Variants in NINL observed in about 807,000 individuals in gnomAD.
The protein encoded by NINL is ninein-like protein.
In NINL, 153 loss-of-function variants were observed where a neutral mutation model predicts 160.3. The ratio of observed to expected loss-of-function variants is 0.95; its 90% CI spans 0.84 to 1.09. The LOEUF (loss-of-function observed/expected upper bound fraction) is 1.09, where lower values mean the gene tolerates loss of function less well. Among genes scored for constraint, NINL ranks in the 50% least tolerant of loss-of-function variants. The probability of loss-of-function intolerance (pLI) is 0.00; values close to 1 mark genes in which losing one functional copy is unlikely to be tolerated. For missense variants in NINL, 1,829 were observed against 1,764.0 expected (o/e 1.04, Z -0.66); for synonymous variants, 800 against 734.8 (o/e 1.09, Z -1.43).
chr20:25,556,698 G>A (rs995933031), intron 1 of NINL, among the ~76,000 whole-genome samples: 12 of 151,102 alleles, frequency 7.9e-5, no homozygotes, highest in Non-Finnish European at 1.6e-4. Flanking sequence ...TCCCAACTAC[G>A]CGGGAGGCTG....
At chr20:25,530,870 G>A (rs1298956565) in intron 1 of NINL, among the ~76,000 whole-genome samples, 3 of 152,144 alleles carry the variant, frequency 2.0e-5, no homozygotes, top group African/African-American at 7.2e-5. Flanking sequence ...TGCTAATGAA[G>A]TTTCAGGCAC....
At chr20:25,561,067 C>T (rs1600344526) in intron 1 of NINL, among the ~76,000 whole-genome samples, 1 of 149,198 alleles carries the variant, frequency 6.7e-6, no homozygotes, top group South Asian at 2.2e-4. Flanking sequence ...TCTCTTTCCA[C>T]GGTCTCCCTC....
chr20:25,530,227 G>A (rs532796531), intron 1 of NINL, among the ~76,000 whole-genome samples: 7 of 152,248 alleles, frequency 4.6e-5, no homozygotes, highest in East Asian at 3.9e-4. Context: ...ACAGATGGGC[G>A]GTGAGGCACA....
In NINL at chr20:25,476,629, T is replaced by C. The variant is rs2063252407; in HGVS notation, c.2662A>G (p.Thr888Ala). ...GCAGGGGCGGGGGCCGGGCTCTGCG[T>C]AGCTTCTGTGTCCTGGGCTTGCCTG... ...RRRQAQDTEA[T>A]QSPAPAPAPA... The change falls in exon 17 of 24, where the codon ACG becomes GCG. Residue 888 changes from threonine (T) to alanine (A), a missense_variant. Thr to Ala is a moderately conservative substitution (Grantham distance 58). Transcript: ENST00000278886. 6.3e-7 allele frequency: 1 copy of C among 1,592,216 alleles called. No individual in the cohort carries two copies. Among genetic ancestry groups the C allele is most frequent in the East Asian group, 2.2e-5 (1 of 44,620 alleles).
intron 9 of NINL, 106 bp downstream of exon 9, chr20:25,498,104 G>C (rs2063794664): frequency 4.4e-6 from 6 of 1,359,118 alleles, no homozygotes; most frequent in Non-Finnish European, 6.1e-6. Context: ...GACTGGCCAT[G>C]TGGGGTGGAT....
intron 1 of NINL, among the ~76,000 whole-genome samples, chr20:25,572,736 A>G (rs919405583): frequency 6.6e-6 from 1 of 152,244 alleles, no homozygotes; most frequent in Non-Finnish European, 1.5e-5. Flanking sequence ...AAATAAGTAC[A>G]GGAATTTGAT....
chr20:25,489,833 G>A, intron 12 of NINL, 42 bp downstream of exon 12: 3 of 1,557,502 alleles, frequency 1.9e-6, no homozygotes, highest in Non-Finnish European at 2.7e-6. Context: ...CTGCCCAGCA[G>A]GCCCTCCCCT....
At chr20:25,479,242 A>T (rs769412185) in intron 15 of NINL, 36 bp from the exon 16 acceptor site, 7 of 1,556,184 alleles carry the variant, frequency 4.5e-6, no homozygotes, top group African/African-American at 1.4e-5. Context: ...GGACCAGGAG[A>T]CCCTAAGAAT....
rs6050665 is a variant in NINL, at chr20:25,532,590, A to C, written c.-11-5992T>G. 4.3e-3 allele frequency among the ~76,000 whole-genome samples: 650 copies of C among 152,302 alleles called. 5 individuals carry two copies. Among genetic ancestry groups the C allele is most frequent in the African/African-American group, 0.015 (627 of 41,560 alleles). On this transcript the variant is annotated intron_variant, in intron 1 of 23. Coordinates refer to ENST00000278886, the MANE Select transcript of NINL (RefSeq NM_025176.6). ...CTCAAAGCCCATGGCTGAGTTACTG[A>C]GCATTCAGAGCCGCTCCTCTCCTCT...
chr20:25,549,703 T>C (rs1359330397), intron 1 of NINL, among the ~76,000 whole-genome samples: 1 of 152,184 alleles, frequency 6.6e-6, no homozygotes, highest in African/African-American at 2.4e-5. Context: ...CTGAGCAGTG[T>C]CAGCACGGAA....
rs190905608 is a variant in NINL at position 25,493,392 on chromosome 20, T to G, written c.1311-1867A>C. Among the ~76,000 whole-genome samples the G allele has an allele frequency of 3.9e-5, 6 of 152,134 alleles. No individual in the cohort carries two copies. In the East Asian group the frequency reaches 1.2e-3, roughly 30 times the overall value. Reference sequence around the variant, plus strand: ...ACCAACAGGGATAGGTGGATCCCGATACTCAGGATGAAAGTGAGAGGTGGA... The same window carrying G: ...ACCAACAGGGATAGGTGGATCCCGAGACTCAGGATGAAAGTGAGAGGTGGA... On this transcript the variant is annotated intron_variant, in intron 10 of 23. Transcript: ENST00000278886.
intron 6 of NINL, 150 bp downstream of exon 6, chr20:25,504,738 G>T: frequency 1.2e-6 from 1 of 843,464 alleles, no homozygotes; most frequent in South Asian, 1.8e-5. Flanking sequence ...TTTAGCCTTT[G>T]GCAGAAATGC....
At chr20:25,528,500 A>C (rs1165932428) in intron 1 of NINL, among the ~76,000 whole-genome samples, 1 of 152,234 alleles carries the variant, frequency 6.6e-6, no homozygotes, top group Non-Finnish European at 1.5e-5. Context: ...TCTGGAGGAA[A>C]ATATATTTAA....
At chr20:25,511,238 G>A (rs964805775) in intron 4 of NINL, among the ~76,000 whole-genome samples, 2 of 152,212 alleles carry the variant, frequency 1.3e-5, no homozygotes, top group East Asian at 3.9e-4. Context: ...GCAAACAGTC[G>A]CAAGGTGAGA....
At chr20:25,461,808 C>T (rs1291869644) in intron 20 of NINL, among the ~76,000 whole-genome samples, 173 bp from the exon 21 acceptor site, 1 of 151,996 alleles carries the variant, frequency 6.6e-6, no homozygotes, top group Non-Finnish European at 1.5e-5. Flanking sequence ...CCGGCCCCTC[C>T]TCTACACACA....
intron 1 of NINL, among the ~76,000 whole-genome samples, chr20:25,574,450 C>T (rs1301397009): frequency 1.3e-5 from 2 of 151,758 alleles, no homozygotes; most frequent in East Asian, 3.9e-4. Context: ...ACCCAAAGAA[C>T]AAGTACACAG....
rs1368891091 is a variant in NINL, at chr20:25,476,973, C to T, written c.2318G>A (p.Ser773Asn). The change falls in exon 17 of 24, where the codon AGC becomes AAC. Residue 773 changes from serine (S) to asparagine (N), a missense_variant. By Grantham distance (46) the Ser-to-Asn change is conservative. Coordinates refer to ENST00000278886, the MANE Select transcript of NINL (RefSeq NM_025176.6). ...EPPQGPLPRG[S>N]QRSEQLELER... ...CAGCTCCAGCTGCTCCGACCTCTGGCTCCCGCGTGGCAGGGGTCCCTGCGG... is the reference window on the plus strand; with the variant it reads ...CAGCTCCAGCTGCTCCGACCTCTGGTTCCCGCGTGGCAGGGGTCCCTGCGG... 1.2e-6 allele frequency: 2 copies of T among 1,607,114 alleles called. No homozygotes were observed. The highest frequency in any genetic ancestry group is 1.7e-6 in the Non-Finnish European group (2 of 1,179,834).
At chr20:25,559,136 C>T (rs1046794882) in intron 1 of NINL, among the ~76,000 whole-genome samples, 6 of 152,350 alleles carry the variant, frequency 3.9e-5, no homozygotes, top group Middle Eastern at 3.4e-3. Context: ...AATAGGGCCA[C>T]GTAAGGCAAG....
At position 25,458,371 on chromosome 20, in the gene NINL, A is replaced by G; in HGVS notation, c.3843+12T>C. 14 of 1,605,312 alleles carry G rather than the reference A, an allele frequency of 8.7e-6. No individual in the cohort carries two copies. Among genetic ancestry groups the G allele is most frequent in the Non-Finnish European group, 1.2e-5 (14 of 1,179,946 alleles). ...CATCTCGTCAGCCATCTCTCGCTGC[A>G]TCCCCACTTACCCGCTGTGCATCCA... On this transcript the variant is annotated intron_variant, in intron 22 of 23. Coordinates refer to ENST00000278886, the MANE Select transcript of NINL (RefSeq NM_025176.6).
Sources: allele counts gnomAD v4.1 joint callset (sites outside exome capture counted in the v4.1 genomes callset), GRCh38; gene constraint gnomAD v4.1.1; transcripts MANE v1.5; gene names NCBI Gene and HGNC (gene_info 2026-07-23, HGNC 2026-07-21).